Variants in ADGRL2 observed in about 807,000 individuals in gnomAD.
ADGRL2 encodes the protein adhesion G protein-coupled receptor L2.
Under a neutral mutation model 157.4 loss-of-function variants are expected in ADGRL2, and 44 were observed. The ratio of observed to expected loss-of-function variants is 0.28; its 90% confidence interval spans 0.22 to 0.36. The LOEUF (loss-of-function observed/expected upper bound fraction) is 0.36. ADGRL2 is among the 10% of genes least tolerant of loss of function. ADGRL2 has a pLI of 1.00. For missense variants in ADGRL2, 1,510 were observed against 1,768.9 expected (o/e 0.85, Z 2.63); for synonymous variants, 585 against 624.7 (o/e 0.94, Z 0.95).
At chr1:81,953,290 G>T (rs1652441600) in intron 10 of ADGRL2, among the ~76,000 whole-genome samples, 1 of 151,970 alleles carries the variant, frequency 6.6e-6, no homozygotes, top group Non-Finnish European at 1.5e-5. Flanking sequence ...AAGTAATTAT[G>T]TAGTCTCTTT....
chr1:81,730,377 A>G (rs2084677688), intron 1 of ADGRL2, among the ~76,000 whole-genome samples: 1 of 152,216 alleles, frequency 6.6e-6, no homozygotes, highest in Admixed American at 6.5e-5. Flanking sequence ...TAATTATAAT[A>G]ACACATTTAT....
rs2081853235 is a variant in ADGRL2 at position 81,623,900 on chromosome 1, G to T, written c.-143+42920G>T. ...TTGGCCCTCCTCAGCTTCCCAAAAT[G>T]CTGGGATTACAGGTGTGAGCCATCA... On this transcript the variant is annotated intron_variant, in intron 3 of 24. Transcript: ENST00000370721. Among the ~76,000 whole-genome samples, 3 of 152,076 alleles carry T rather than the reference G, an allele frequency of 2.0e-5. No homozygotes were observed. The South Asian group carries it at 6.2e-4, about 31-fold the overall frequency.
intron 1 of ADGRL2, among the ~76,000 whole-genome samples, chr1:81,833,689 T>C (rs1410201385): frequency 6.6e-6 from 1 of 152,152 alleles, no homozygotes; most frequent in African/African-American, 2.4e-5. Context: ...TTGCGGACAG[T>C]TTTAGGCGCG....
At chr1:81,351,391 C>T (rs1404743507) in intron 1 of ADGRL2, among the ~76,000 whole-genome samples, 1 of 152,096 alleles carries the variant, frequency 6.6e-6, no homozygotes, top group Non-Finnish European at 1.5e-5. Context: ...TAGAGAATTA[C>T]ACTTACTTCC....
chr1:81,336,602 T>G (rs1437553438), intron 1 of ADGRL2, among the ~76,000 whole-genome samples: 1 of 152,130 alleles, frequency 6.6e-6, no homozygotes. Flanking sequence ...GCACAAAGTT[T>G]CTAGTTGATA....
chr1:81,458,045 T>A (rs1557703132), intron 2 of ADGRL2, among the ~76,000 whole-genome samples: 1 of 152,192 alleles, frequency 6.6e-6, no homozygotes, highest in Non-Finnish European at 1.5e-5. Flanking sequence ...AGGCTCAATA[T>A]GAAAAATATT....
intron 4 of ADGRL2, among the ~76,000 whole-genome samples, chr1:81,941,812 A>G (rs1648095393): frequency 6.6e-6 from 1 of 151,818 alleles, no homozygotes; most frequent in African/African-American, 2.4e-5. Flanking sequence ...TTAATCTCCT[A>G]AAATGATTGA....
chr1:81,703,300 T>G (rs1035511684), intron 1 of ADGRL2, among the ~76,000 whole-genome samples: 3 of 152,222 alleles, frequency 2.0e-5, no homozygotes, highest in African/African-American at 7.2e-5. Context: ...TTGAGCATGT[T>G]TGCAGAAGGG....
intron 1 of ADGRL2, chr1:81,426,784 CT>C: frequency 1.5e-5 from 7 of 467,194 alleles, no homozygotes; most frequent in Non-Finnish European, 2.0e-5. Flanking sequence ...AAAGATAACT[CT>C]TTCTAGAGAG....
intron 2 of ADGRL2, among the ~76,000 whole-genome samples, chr1:81,522,655 G>A (rs1454267254): frequency 6.6e-6 from 1 of 152,146 alleles, no homozygotes; most frequent in African/African-American, 2.4e-5. Flanking sequence ...CTTGCTTGCT[G>A]ATTTTTTAAG....
At chr1:81,400,148 T>TG (rs1331215654) in intron 1 of ADGRL2, among the ~76,000 whole-genome samples, 4 of 151,988 alleles carry the variant, frequency 2.6e-5, no homozygotes, top group Non-Finnish European at 5.9e-5. Flanking sequence ...GTAAGGGCTT[T>TG]GGGGGGGTCC....
intron 10 of ADGRL2, among the ~76,000 whole-genome samples, chr1:81,954,229 T>C (rs1652756541): frequency 6.6e-6 from 1 of 152,116 alleles, no homozygotes; most frequent in Non-Finnish European, 1.5e-5. Context: ...TTTTTTCCTT[T>C]GGCAGAAAGA....
At chr1:81,572,132 G>A (rs912836762) in intron 2 of ADGRL2, among the ~76,000 whole-genome samples, 7 of 152,218 alleles carry the variant, frequency 4.6e-5, no homozygotes, top group Non-Finnish European at 2.9e-5. Context: ...AGACAATAGA[G>A]TAATTGGTGA....
Position 81,848,993 on chromosome 1 carries a change from G to A in ADGRL2, c.73+11936G>A, listed in dbSNP as rs2092905222. Among the ~76,000 whole-genome samples the A allele has an allele frequency of 3.9e-5, 6 of 152,030 alleles. No homozygotes were observed. In the South Asian group the frequency reaches 1.0e-3, roughly 26 times the overall value. On this transcript the variant is annotated intron_variant, in intron 2 of 23. Coordinates refer to ENST00000686636, the MANE Select transcript of ADGRL2 (RefSeq NM_001366006.2). The stretch of plus-strand genomic sequence containing the variant: ...TTTCCCTTTTGTTTGCTTACAACAG[G>A]AAGCTCGTTTAATCCTTTGCTTTGT...
intron 1 of ADGRL2, among the ~76,000 whole-genome samples, chr1:81,427,965 A>C (rs1387638580): frequency 6.6e-6 from 1 of 152,188 alleles, no homozygotes; most frequent in Non-Finnish European, 1.5e-5. Context: ...TAACAGGAAT[A>C]AAAAATTAAG....
intron 2 of ADGRL2, among the ~76,000 whole-genome samples, chr1:81,491,638 T>C (rs2078635401): frequency 1.3e-5 from 2 of 152,044 alleles, no homozygotes; most frequent in African/African-American, 2.4e-5. Flanking sequence ...GTGACAACAC[T>C]GAGTAAAAAG....
At chr1:81,539,525 T>A (rs2079831137) in intron 2 of ADGRL2, among the ~76,000 whole-genome samples, 2 of 152,172 alleles carry the variant, frequency 1.3e-5, no homozygotes, top group African/African-American at 2.4e-5. Context: ...CACATTCTAG[T>A]CTTTTCTTAG....
chr1:81,627,442 C>A (rs1280359852), intron 3 of ADGRL2, among the ~76,000 whole-genome samples: 1 of 152,102 alleles, frequency 6.6e-6, no homozygotes, highest in East Asian at 1.9e-4. Flanking sequence ...GCCATATTTG[C>A]TGCTATGAAT....
At chr1:81,928,072 A>G (rs115906167) in intron 3 of ADGRL2, among the ~76,000 whole-genome samples, 2,689 of 152,076 alleles carry the variant, frequency 0.018, 80 homozygotes, top group African/African-American at 0.061. Flanking sequence ...GAGCAAATCT[A>G]TTTGCATTGG....
Sources: gnomAD v4.1 joint callset for allele counts (sites outside exome capture counted in the v4.1 genomes callset) on GRCh38, gnomAD v4.1.1 for gene constraint, MANE v1.5 for transcripts, NCBI Gene and HGNC (gene_info 2026-07-23, HGNC 2026-07-21) for gene names.